The following EPB41L1 variants were observed in gnomAD, a reference collection of about 807,000 sequenced individuals.
EPB41L1 encodes erythrocyte membrane protein band 4.1 like 1, also known as band 4.1-like protein 1.
In EPB41L1, 29 loss-of-function variants were observed where a neutral mutation model predicts 97.8. That is an observed-to-expected ratio of 0.30 (90% confidence interval 0.22 to 0.40). The LOEUF (loss-of-function observed/expected upper bound fraction) is 0.40. EPB41L1 is among the 10% of genes least tolerant of loss of function. EPB41L1 has a pLI of 1.00. For missense variants in EPB41L1, 812 were observed against 1,162.3 expected, an observed-to-expected ratio of 0.70 and a Z score of 4.38; for synonymous variants, 383 against 459.2, an observed-to-expected ratio of 0.83 and a Z score of 2.12.
At position 36,209,747 on chromosome 20, in the gene EPB41L1, T is replaced by C; in HGVS notation, c.1928T>C (p.Leu643Pro). The change falls in exon 15 of 22, where the codon CTC becomes CCC. Residue 643 changes from leucine (L) to proline (P), a missense_variant. Transcript: ENST00000338074. This position sits in a 1 kb window ranked among gnomAD's most constrained non-coding sequence, Gnocchi z 4.2. ...GACTTCTCCCGCAGCCTGCCTGAGC[T>C]CGACCGGGACAAAAGCGACTCGGAC... ...FEDFSRSLPE[L>P]DRDKSDSDTE... 3 of 1,610,810 alleles carry C rather than the reference T, an allele frequency of 1.9e-6. No individual in the cohort carries two copies. Among genetic ancestry groups the C allele is most frequent in the Non-Finnish European group, 2.5e-6 (3 of 1,178,670 alleles).
At chr20:36,107,113 A>G (rs1263233899) in intron 1 of EPB41L1, among the ~76,000 whole-genome samples, 7 of 152,114 alleles carry the variant, frequency 4.6e-5, no homozygotes, top group Non-Finnish European at 8.8e-5. Context: ...TTAATATTTA[A>G]TTTTATTTGA....
At chr20:36,098,262 G>A (rs546649847) in intron 1 of EPB41L1, among the ~76,000 whole-genome samples, 119 of 152,282 alleles carry the variant, frequency 7.8e-4, no homozygotes, top group Middle Eastern at 3.4e-3. Context: ...GTGGGAATCT[G>A]AAAAACAGAG....
chr20:36,173,027 A>C (rs2061062309), intron 1 of EPB41L1, among the ~76,000 whole-genome samples: 2 of 152,188 alleles, frequency 1.3e-5, no homozygotes. Context: ...CTCCTCATTT[A>C]CTGCTGAAAG....
chr20:36,156,684 C>G (rs1302953976), intron 1 of EPB41L1, among the ~76,000 whole-genome samples: 1 of 152,150 alleles, frequency 6.6e-6, no homozygotes, highest in Non-Finnish European at 1.5e-5. Context: ...TTATGTTGGC[C>G]TCCCAGCCCT....
In EPB41L1 at chr20:36,232,199, G is replaced by T; in HGVS notation, c.*2859G>T. On this transcript the variant is annotated 3_prime_UTR_variant, in exon 22 of 22. Transcript: ENST00000338074. ...CTCTTTGTAGAGAATAGAGACGTTT[G>T]TCTTGTCTGTCTTCAACCTACTTTT... 6.3e-6 allele frequency: 1 copy of T among 159,860 alleles called. No homozygotes were observed. The highest frequency in any genetic ancestry group is 1.4e-5 in the Non-Finnish European group (1 of 73,412). 9.9% of individuals were successfully genotyped at this position (159,860 alleles called of 1,614,324 possible).
At chr20:36,219,940 A>G in intron 19 of EPB41L1, 96 bp downstream of exon 19, 1 of 1,084,794 alleles carries the variant, frequency 9.2e-7, no homozygotes, top group Admixed American at 1.9e-5. Flanking sequence ...TGTAAAGTGG[A>G]CAGAGAAAAC....
chr20:36,174,392 C>T (rs1282840340), intron 2 of EPB41L1, among the ~76,000 whole-genome samples: 1 of 152,070 alleles, frequency 6.6e-6, no homozygotes, highest in Non-Finnish European at 1.5e-5. Flanking sequence ...CCTGCCTCAG[C>T]CTCCTTAGTA....
At chr20:36,218,268 A>T (rs1455028895) in intron 17 of EPB41L1, among the ~76,000 whole-genome samples, 1 of 152,186 alleles carries the variant, frequency 6.6e-6, no homozygotes, top group Non-Finnish European at 1.5e-5. Context: ...ATAATGCCCA[A>T]CTGGTGTTAT....
chr20:36,221,755 A>G, intron 19 of EPB41L1, 109 bp from the exon 20 acceptor site: 2 of 917,274 alleles, frequency 2.2e-6, no homozygotes, highest in South Asian at 1.3e-5. Flanking sequence ...AGAGAAGGTA[A>G]CTGCTGGTTC....
Position 36,230,772 on chromosome 20 carries a change from CTTT to C in EPB41L1, c.*1444_*1446del, listed in dbSNP as rs777166804. On this transcript the variant is annotated 3_prime_UTR_variant, in exon 22 of 22. Coordinates refer to ENST00000338074, the MANE Select transcript of EPB41L1 (RefSeq NM_012156.2). ...TTTTCAGTCTTCTCTCTCTTTCTCTCTTTTTTTTTTTTTTGCCACATTCTGCCC... is the reference window on the plus strand; with the variant it reads ...TTTTCAGTCTTCTCTCTCTTTCTCTCTTTTTTTTTTTGCCACATTCTGCCC... The C allele has an allele frequency of 2.8e-5, 4 of 142,208 alleles. No individual in the cohort carries two copies. Among genetic ancestry groups the C allele is most frequent in the Non-Finnish European group, 6.2e-5 (4 of 64,886 alleles). The allele number at this position is 142,208 out of a possible 1,614,324, so 8.8% of individuals were successfully genotyped here.
intron 2 of EPB41L1, among the ~76,000 whole-genome samples, chr20:36,121,072 A>AT: frequency 1.4e-5 from 1 of 71,706 alleles, no homozygotes; most frequent in East Asian, 1.0e-3. Context: ...CCTGTCTGAC[A>AT]TGAAAAAAAA....
rs1175057311 is a variant in EPB41L1, at chr20:36,154,990, C to T, written c.-15+94C>T. On this transcript the variant is annotated intron_variant, in intron 1 of 21. Transcript: ENST00000338074. This position sits in a 1 kb window ranked among gnomAD's most constrained non-coding sequence, Gnocchi z 5.5. ...CCCTGGGGAGGAACGGGGGCGAGGC[C>T]GAGAACTGAGTTTTCAGGCTGTTGG... 2.7e-6 allele frequency: 3 copies of T among 1,111,034 alleles called. No individual in the cohort carries two copies. Among genetic ancestry groups the T allele is most frequent in the East Asian group, 6.2e-5 (1 of 16,108 alleles). 68.8% of individuals were successfully genotyped at this position (1,111,034 alleles called of 1,614,324 possible). A position where few individuals can be genotyped will look rare whatever the true frequency, so the allele number is the denominator to read the frequency against.
At chr20:36,174,028 AT>A (rs1276025708) in intron 2 of EPB41L1, 74 bp downstream of exon 2, 33 of 1,497,436 alleles carry the variant, frequency 2.2e-5, no homozygotes, top group Non-Finnish European at 2.8e-5. Flanking sequence ...GGGCTCCAGT[AT>A]TTTTTCTGGA....
intron 4 of EPB41L1, 69 bp from the exon 5 acceptor site, chr20:36,178,561 T>C (rs1359222670): frequency 1.3e-6 from 2 of 1,496,300 alleles, no homozygotes; most frequent in Non-Finnish European, 1.9e-6. Flanking sequence ...TTCAGGATAT[T>C]TCTCTCTCTC....
chr20:36,146,671 C>T (rs2145387469), intron 2 of EPB41L1, among the ~76,000 whole-genome samples: 1 of 152,300 alleles, frequency 6.6e-6, no homozygotes, highest in Admixed American at 6.5e-5. Flanking sequence ...AGAGCAGTGC[C>T]AGCTTCTGGA....
chr20:36,095,885 G>T (rs994739855), intron 1 of EPB41L1, among the ~76,000 whole-genome samples: 10 of 152,160 alleles, frequency 6.6e-5, no homozygotes, highest in Admixed American at 1.3e-4. Flanking sequence ...ATTTAGCCGG[G>T]CATGGTGGCA....
At chr20:36,213,147 C>T (rs1184091185) in intron 16 of EPB41L1, among the ~76,000 whole-genome samples, 1 of 152,162 alleles carries the variant, frequency 6.6e-6, no homozygotes, top group Admixed American at 6.5e-5. Flanking sequence ...TCTGTAATCC[C>T]AGCACTTTGT....
At chr20:36,114,411 G>A (rs2058519480) in intron 2 of EPB41L1, among the ~76,000 whole-genome samples, 3 of 152,098 alleles carry the variant, frequency 2.0e-5, no homozygotes, top group African/African-American at 7.2e-5. Flanking sequence ...TTGAGAACAT[G>A]CTTTGAAAAC....
chr20:36,180,997 C>G (rs1197952246), intron 5 of EPB41L1, among the ~76,000 whole-genome samples: 1 of 152,110 alleles, frequency 6.6e-6, no homozygotes, highest in African/African-American at 2.4e-5. Context: ...AAAAGAAAGT[C>G]AACTTCAGGA....
Sources: gnomAD v4.1 joint callset for allele counts (sites outside exome capture counted in the v4.1 genomes callset) on GRCh38, gnomAD v4.1.1 for gene constraint, Gnocchi (gnomAD v3.1) non-coding constraint, MANE v1.5 for transcripts, NCBI Gene and HGNC (gene_info 2026-07-23, HGNC 2026-07-21) for gene names.